XPO7: variants seen among roughly 807,000 people sequenced by gnomAD.
The protein encoded by XPO7 is exportin 7.
A neutral mutation model predicts 144.3 loss-of-function variants in XPO7; 21 were observed. The ratio of observed to expected loss-of-function variants is 0.15; its 90% CI spans 0.10 to 0.21. XPO7 has a LOEUF of 0.21. XPO7 is among the 10% of genes least tolerant of loss of function. The pLI, the probability that XPO7 is intolerant of heterozygous loss-of-function variation, is 1.00. For missense variants in XPO7, 808 were observed against 1,325.8 expected (o/e 0.61, Z 6.06); for synonymous variants, 580 against 499.6 (o/e 1.16, Z -2.15).
rs770037623 is a variant in XPO7 at position 21,969,451 on chromosome 8, A to G, written c.166-32A>G. 5 of 1,578,990 alleles carry G rather than the reference A, an allele frequency of 3.2e-6. No individual in the cohort carries two copies. In the East Asian group the frequency reaches 9.0e-5, roughly 28 times the overall value. On this transcript the variant is annotated intron_variant, in intron 2 of 27. Coordinates refer to ENST00000252512, the MANE Select transcript of XPO7 (RefSeq NM_015024.5). Reference sequence around the variant, plus strand: ...CCTTGTGACTGGCTTACTCAATACAATTTTAAGTCCTTTTTCCCTCTCTTT... The same window carrying G: ...CCTTGTGACTGGCTTACTCAATACAGTTTTAAGTCCTTTTTCCCTCTCTTT...
intron 25 of XPO7, among the ~76,000 whole-genome samples, chr8:22,002,777 A>G (rs1813195967): frequency 6.8e-6 from 1 of 148,086 alleles, no homozygotes; most frequent in Non-Finnish European, 1.5e-5. Flanking sequence ...ATCAGTAATT[A>G]TTGAGATTTT....
chr8:21,952,368 G>A (rs1811401033), intron 1 of XPO7, among the ~76,000 whole-genome samples: 1 of 151,894 alleles, frequency 6.6e-6, no homozygotes, highest in African/African-American at 2.4e-5. Flanking sequence ...TAGAGAAAAT[G>A]TTTTCAACTG....
chr8:21,987,413 C>T, intron 14 of XPO7, 137 bp downstream of exon 14: 3 of 1,287,524 alleles, frequency 2.3e-6, no homozygotes, highest in South Asian at 3.1e-5. Context: ...TTCTCTTAGT[C>T]TTTAAATTCT....
chr8:22,002,928 A>T, intron 25 of XPO7: 1 of 234,990 alleles, frequency 4.3e-6, no homozygotes, highest in Non-Finnish European at 8.4e-6. Context: ...GCTTACTGTA[A>T]TTTTGTTTAC....
intron 6 of XPO7, 121 bp from the exon 7 acceptor site, chr8:21,976,235 G>A (rs1279299910): frequency 1.9e-6 from 2 of 1,043,844 alleles, no homozygotes; most frequent in Non-Finnish European, 2.8e-6. Flanking sequence ...GGAGAGAAGG[G>A]GACATTTTAC....
rs762664946 is a variant in XPO7 at position 21,981,836 on chromosome 8, GTCA to G, written c.1066_1068del (p.Ile356del). 2 of 1,613,894 alleles carry G rather than the reference GTCA, an allele frequency of 1.2e-6. No homozygotes were observed. Among genetic ancestry groups the G allele is most frequent in the African/African-American group, 1.3e-5 (1 of 74,936 alleles). ...GGTAAAGGTGGAAAACTACCCTGAG[GTCA>G]TCCGATTGATAGCCAACTTCACAGT... On this transcript the variant is annotated inframe_deletion, in exon 10 of 28. Coordinates refer to ENST00000252512, the MANE Select transcript of XPO7 (RefSeq NM_015024.5).
At chr8:21,994,849 C>T (rs1009315826) in intron 20 of XPO7, among the ~76,000 whole-genome samples, 7 of 151,956 alleles carry the variant, frequency 4.6e-5, no homozygotes, top group African/African-American at 1.5e-4. Flanking sequence ...GTCAGGAGAT[C>T]GAGACCATCC....
rs1812751965 is a variant in XPO7, at chr8:21,990,900, T to G, written c.2022T>G (p.Arg674=). 6.2e-7 allele frequency: 1 copy of G among 1,613,874 alleles called. No homozygotes were observed. Among genetic ancestry groups the G allele is most frequent in the Admixed American group, 1.7e-5 (1 of 60,008 alleles). ...CTACCTTCTACACAGCACTTGGGCG[T>G]CTCCTCATGGTGGATTTAGGTACCG... is the stretch of plus-strand genomic sequence containing the variant. ...CRTTFYTALG[R]LLMVDLGEDE... The change falls in exon 18 of 28, where the codon CGT becomes CGG. Residue 674 remains arginine (R), a synonymous_variant. Coordinates refer to ENST00000252512, the MANE Select transcript of XPO7 (RefSeq NM_015024.5).
At chr8:21,945,158 G>T (rs979831420) in intron 1 of XPO7, among the ~76,000 whole-genome samples, 1 of 152,086 alleles carries the variant, frequency 6.6e-6, no homozygotes, top group African/African-American at 2.4e-5. Flanking sequence ...GGGCAGAGGG[G>T]CTCTTCACTT....
At chr8:21,963,130 ATCTAC>A (rs1336404174) in intron 1 of XPO7, among the ~76,000 whole-genome samples, 7 of 152,338 alleles carry the variant, frequency 4.6e-5, no homozygotes, top group Non-Finnish European at 7.3e-5. Flanking sequence ...AAATTGGTAA[ATCTAC>A]TCTAAGTTTT....
At chr8:21,928,350 A>G (rs1376305896) in intron 1 of XPO7, among the ~76,000 whole-genome samples, 2 of 152,214 alleles carry the variant, frequency 1.3e-5, no homozygotes, top group African/African-American at 4.8e-5. Flanking sequence ...GGAGACATTC[A>G]GGTTGTTCCC....
intron 1 of XPO7, among the ~76,000 whole-genome samples, chr8:21,951,811 T>G (rs1585434738): frequency 7.0e-6 from 1 of 142,960 alleles, no homozygotes; most frequent in African/African-American, 2.5e-5. Context: ...GAAGAGTATG[T>G]ATGGTACTGG....
At position 21,987,363 on chromosome 8, in the gene XPO7, A is replaced by G. The variant is rs1585471502; in HGVS notation, c.1713+87A>G. 1.9e-5 allele frequency: 30 copies of G among 1,560,230 alleles called. No homozygotes were observed. In the East Asian group the frequency reaches 6.3e-4, roughly 33 times the overall value. On this transcript the variant is annotated intron_variant, in intron 14 of 27. Transcript: ENST00000252512. ...AGGGAAACAGTTGCTGATAGTTCACATAACCTCCAGATTTCACGTAATAGG... is the reference window on the plus strand; with the variant it reads ...AGGGAAACAGTTGCTGATAGTTCACGTAACCTCCAGATTTCACGTAATAGG...
At chr8:21,924,464 T>C (rs1358506884) in intron 1 of XPO7, among the ~76,000 whole-genome samples, 3 of 139,078 alleles carry the variant, frequency 2.2e-5, no homozygotes, top group African/African-American at 2.6e-5. Flanking sequence ...CCCACCCCAC[T>C]AACTACTATC....
chr8:21,971,013 G>A (rs1157680492), intron 4 of XPO7, among the ~76,000 whole-genome samples: 3 of 151,956 alleles, frequency 2.0e-5, no homozygotes, highest in Non-Finnish European at 2.9e-5. Flanking sequence ...CATGGTAAGC[G>A]CCCTATACAG....
At chr8:21,932,795 A>C (rs1484356107) in intron 1 of XPO7, among the ~76,000 whole-genome samples, 4 of 152,236 alleles carry the variant, frequency 2.6e-5, no homozygotes, top group African/African-American at 9.6e-5. Context: ...GCTAGTCGTC[A>C]ACTGTAGGCT....
intron 1 of XPO7, among the ~76,000 whole-genome samples, chr8:21,923,830 A>G (rs1810372454): frequency 6.6e-6 from 1 of 152,206 alleles, no homozygotes; most frequent in Admixed American, 6.5e-5. Flanking sequence ...GAGGTGGGAA[A>G]GTTGCCAGTT....
In XPO7 at chr8:21,980,158, C is replaced by G. The variant is rs1428402104; in HGVS notation, c.912C>G (p.Leu304=). ...ACAATGCAGAGAGGGCCAAGTTTCT[C>G]TCTCATCTTGTTGATGGTGTTAAAC... ...LFNNAERAKF[L]SHLVDGVKRI... The change falls in exon 9 of 28, where the codon CTC becomes CTG. Residue 304 remains leucine (L), a synonymous_variant. Transcript: ENST00000252512. 18 of 1,604,870 alleles carry G rather than the reference C, an allele frequency of 1.1e-5. No individual in the cohort carries two copies. Among genetic ancestry groups the G allele is most frequent in the Non-Finnish European group, 1.4e-5 (16 of 1,175,240 alleles).
intron 13 of XPO7, 65 bp from the exon 14 acceptor site, chr8:21,987,076 C>T: frequency 6.2e-7 from 1 of 1,604,432 alleles, no homozygotes. Context: ...GTCAAGATAG[C>T]TTGGGTTGTC....
Sources: gnomAD v4.1 joint callset for allele counts (sites outside exome capture counted in the v4.1 genomes callset) on GRCh38, gnomAD v4.1.1 for gene constraint, MANE v1.5 for transcripts, NCBI Gene and HGNC (gene_info 2026-07-23, HGNC 2026-07-21) for gene names.